Variants in IL1RAPL2 observed in about 807,000 individuals in gnomAD.
IL1RAPL2 encodes the protein X-linked interleukin-1 receptor accessory protein-like 2.
IL1RAPL2 carries 3 observed loss-of-function variants against 44.1 expected under a neutral mutation model. The ratio of observed to expected loss-of-function variants is 0.07; its 90% CI spans 0.03 to 0.18. The LOEUF (loss-of-function observed/expected upper bound fraction) is 0.18. IL1RAPL2 is among the 10% of genes least tolerant of loss of function. The pLI, the probability that IL1RAPL2 is intolerant of heterozygous loss-of-function variation, is 1.00. For missense variants in IL1RAPL2, 391 were observed against 496.4 expected, an observed-to-expected ratio of 0.79 and a Z score of 2.02; for synonymous variants, 181 against 178.8, an observed-to-expected ratio of 1.01 and a Z score of -0.10.
At chrX:105,179,967 A>G (rs1405006362) in intron 2 of IL1RAPL2, among the ~76,000 whole-genome samples, 2 of 109,736 alleles carry the variant, frequency 1.8e-5, no homozygotes, top group African/African-American at 3.3e-5. Context: ...TCCAATTTGG[A>G]TGTCTTTTTT....
At chrX:105,746,350 CTAAAA>C (rs1367869912) in intron 8 of IL1RAPL2, among the ~76,000 whole-genome samples, 1 of 112,494 alleles carries the variant, frequency 8.9e-6, no homozygotes, top group African/African-American at 3.2e-5. Context: ...CACAGCCCAA[CTAAAA>C]TAACTTTCCA....
intron 2 of IL1RAPL2, among the ~76,000 whole-genome samples, chrX:104,674,421 C>T (rs1355075593): frequency 3.6e-5 from 4 of 111,940 alleles, no homozygotes; most frequent in Admixed American, 1.9e-4. Context: ...GTATATTGAA[C>T]CAGCCTTGCA....
At chrX:105,591,908 G>A (rs1164475045) in intron 6 of IL1RAPL2, among the ~76,000 whole-genome samples, 1 of 111,247 alleles carries the variant, frequency 9.0e-6, no homozygotes, top group African/African-American at 3.3e-5. Context: ...TGGGTGGAGA[G>A]TTCTGTAGAT....
At chrX:105,721,374 C>CT (rs1324478918) in intron 7 of IL1RAPL2, among the ~76,000 whole-genome samples, 1 of 109,647 alleles carries the variant, frequency 9.1e-6, no homozygotes, top group African/African-American at 3.4e-5. Flanking sequence ...TGAGATCATG[C>CT]TATTGCACTA....
chrX:105,608,680 T>C (rs1273355885), intron 6 of IL1RAPL2, among the ~76,000 whole-genome samples: 1 of 112,280 alleles, frequency 8.9e-6, no homozygotes, highest in Non-Finnish European at 1.9e-5. Flanking sequence ...AGAAATAGGA[T>C]ACATAAAGCA....
At chrX:104,809,072 A>T (rs1932947575) in intron 2 of IL1RAPL2, among the ~76,000 whole-genome samples, 1 of 111,908 alleles carries the variant, frequency 8.9e-6, no homozygotes, top group Admixed American at 9.5e-5. Context: ...AGATCTTTTG[A>T]GTCTTAGTTG....
At chrX:105,075,026 C>T in intron 2 of IL1RAPL2, among the ~76,000 whole-genome samples, 1 of 111,136 alleles carries the variant, frequency 9.0e-6, no homozygotes, top group East Asian at 2.8e-4. Flanking sequence ...AAATGAATGC[C>T]CTTTATTTCC....
chrX:104,841,161 T>G (rs759517287), intron 2 of IL1RAPL2, among the ~76,000 whole-genome samples: 22 of 112,216 alleles, frequency 2.0e-4, no homozygotes, highest in Non-Finnish European at 3.6e-4. Flanking sequence ...TTGTCTTTTT[T>G]GATCTTTGTT....
intron 5 of IL1RAPL2, among the ~76,000 whole-genome samples, chrX:105,378,320 C>T (rs781735377): frequency 1.9e-4 from 21 of 111,762 alleles, no homozygotes; most frequent in African/African-American, 5.8e-4. Context: ...ACATAGATCA[C>T]CATTTTCACT....
intron 6 of IL1RAPL2, among the ~76,000 whole-genome samples, chrX:105,601,849 A>G (rs769255682): frequency 9.0e-6 from 1 of 110,652 alleles, no homozygotes; most frequent in Non-Finnish European, 1.9e-5. Flanking sequence ...CAACACCACA[A>G]CACCACCTGG....
At chrX:105,407,096 T>C (rs1381511207) in intron 5 of IL1RAPL2, 17 of 567,143 alleles carry the variant, frequency 3.0e-5, no homozygotes, top group Non-Finnish European at 4.8e-5. Context: ...GTTTTCCTTA[T>C]CACTTTTCTT....
chrX:105,586,131 A>C (rs1367611979), intron 6 of IL1RAPL2, among the ~76,000 whole-genome samples: 1 of 112,091 alleles, frequency 8.9e-6, no homozygotes, highest in African/African-American at 3.2e-5. Flanking sequence ...CAGAATATAC[A>C]AGAAACTTAA....
chrX:105,216,138 C>T (rs1367689050), intron 3 of IL1RAPL2, among the ~76,000 whole-genome samples: 3 of 110,984 alleles, frequency 2.7e-5, no homozygotes, highest in African/African-American at 3.3e-5. Flanking sequence ...AGAAATGAAG[C>T]GCATTCTAAT....
chrX:105,062,466 T>G (rs2032087205), intron 2 of IL1RAPL2, among the ~76,000 whole-genome samples: 1 of 111,825 alleles, frequency 8.9e-6, no homozygotes, highest in Non-Finnish European at 1.9e-5. Context: ...AAGAGTAGTT[T>G]ACACACTACA....
At chrX:105,459,132 C>A (rs2036076135) in intron 5 of IL1RAPL2, among the ~76,000 whole-genome samples, 1 of 111,703 alleles carries the variant, frequency 9.0e-6, no homozygotes, top group Admixed American at 9.5e-5. Flanking sequence ...TGCCAATGTT[C>A]TCGTTGCTTT....
At chrX:105,085,871 A>G (rs1698506747) in intron 2 of IL1RAPL2, among the ~76,000 whole-genome samples, 1 of 112,201 alleles carries the variant, frequency 8.9e-6, no homozygotes, top group Admixed American at 9.5e-5. Flanking sequence ...AAAGTAGGCT[A>G]GAGAAAATAA....
At chrX:105,356,150 A>ATG (rs1158634841) in intron 5 of IL1RAPL2, among the ~76,000 whole-genome samples, 1 of 100,088 alleles carries the variant, frequency 1.0e-5, no homozygotes, top group Non-Finnish European at 1.9e-5. Flanking sequence ...GTGTGTGTGT[A>ATG]TGTGTGTGTG....
chrX:105,767,186 A>G lies in IL1RAPL2; in HGVS notation c.1586A>G (p.Lys529Arg). Reference protein sequence around the residue: ...QEVESLKRSIKLLSLIKWKGS... With the variant: ...QEVESLKRSIRLLSLIKWKGS... Reference sequence around the variant, plus strand: ...GTGGAATCACTAAAGCGTAGCATCAAACTTCTGTCCCTGATCAAGTGGAAG... The same window carrying G: ...GTGGAATCACTAAAGCGTAGCATCAGACTTCTGTCCCTGATCAAGTGGAAG... Residue 529 changes from lysine to arginine, a missense_variant, in exon 11 of 11, where the codon AAA becomes AGA. Around this residue, in one of 2 missense-constraint regions of IL1RAPL2, gnomAD observed 232 missense variants for 244.8 expected, o/e 0.95. Coordinates refer to ENST00000372582, the MANE Select transcript of IL1RAPL2 (RefSeq NM_017416.2). 3 of 1,211,099 alleles carry G rather than the reference A, an allele frequency of 2.5e-6. No homozygotes were observed. The highest frequency in any genetic ancestry group is 3.4e-6 in the Non-Finnish European group (3 of 894,732).
At chrX:104,577,832 A>G (rs1428697859) in intron 1 of IL1RAPL2, among the ~76,000 whole-genome samples, 1 of 110,921 alleles carries the variant, frequency 9.0e-6, no homozygotes, top group African/African-American at 3.3e-5. Context: ...ATAGTTGACT[A>G]CATGCTGGGA....
Sources: gnomAD v4.1 joint callset for allele counts (sites outside exome capture counted in the v4.1 genomes callset) on GRCh38, gnomAD v4.1.1 for gene constraint, gnomAD v4.1.1 regional missense constraint, MANE v1.5 for transcripts, NCBI Gene and HGNC (gene_info 2026-07-23, HGNC 2026-07-21) for gene names.